Variants in BRAF observed in about 807,000 individuals in gnomAD.
BRAF encodes serine/threonine-protein kinase B-raf.
In BRAF, 16 loss-of-function variants were observed where a neutral mutation model predicts 104.6. That is an observed-to-expected ratio of 0.15 (90% CI 0.10 to 0.23). The LOEUF (loss-of-function observed/expected upper bound fraction) is 0.23, where lower values mean the gene tolerates loss of function less well. BRAF is among the 10% of genes least tolerant of loss of function. The pLI, the probability that BRAF is intolerant of heterozygous loss-of-function variation, is 1.00. For missense variants in BRAF, 541 were observed against 937.3 expected (o/e 0.58, Z 5.52); for synonymous variants, 310 against 341.6 (o/e 0.91, Z 1.02).
Position 140,723,086 on chromosome 7 carries a change from T to C in BRAF, c.*3408A>G. ...TTACCTCATTCTGAAGAGGTAGTTT[T>C]TTGTAGAGGTCACCTGAACCCTGCA... On this transcript the variant is annotated 3_prime_UTR_variant, in exon 20 of 20. Transcript: ENST00000644969. 1 of 1,051,210 alleles carries C rather than the reference T, an allele frequency of 9.5e-7. No homozygotes were observed. The allele number at this position is 1,051,210 out of a possible 1,614,324, so 65.1% of individuals were successfully genotyped here.
At chr7:140,855,635 TATA>T (rs1809692675) in intron 1 of BRAF, among the ~76,000 whole-genome samples, 1 of 151,542 alleles carries the variant, frequency 6.6e-6, no homozygotes, top group Non-Finnish European at 1.5e-5. Context: ...CAGGTGATTT[TATA>T]TATATATTCA....
intron 1 of BRAF, among the ~76,000 whole-genome samples, chr7:140,898,733 C>A (rs1815247543): frequency 6.6e-6 from 1 of 152,178 alleles, no homozygotes; most frequent in Non-Finnish European, 1.5e-5. Flanking sequence ...CACTATCACT[C>A]ACTTTTATCA....
At chr7:140,895,296 CAACT>C (rs1442358687) in intron 1 of BRAF, among the ~76,000 whole-genome samples, 1 of 151,956 alleles carries the variant, frequency 6.6e-6, no homozygotes, top group Non-Finnish European at 1.5e-5. Context: ...TAAAAATGCC[CAACT>C]GTCAGCAAAC....
At chr7:140,896,857 C>T (rs1488955558) in intron 1 of BRAF, among the ~76,000 whole-genome samples, 1 of 106,662 alleles carries the variant, frequency 9.4e-6, no homozygotes, top group East Asian at 2.7e-4. Context: ...GAGCGAGACT[C>T]CATCTCAAAA....
At chr7:140,919,349 G>T (rs186970106) in intron 1 of BRAF, among the ~76,000 whole-genome samples, 2 of 152,142 alleles carry the variant, frequency 1.3e-5, no homozygotes, top group East Asian at 3.9e-4. Context: ...AAAGTTAATT[G>T]AGTTCAAAGC....
intron 1 of BRAF, among the ~76,000 whole-genome samples, chr7:140,852,611 G>GCAAAA (rs1809306600): frequency 6.6e-6 from 1 of 151,980 alleles, no homozygotes; most frequent in Non-Finnish European, 1.5e-5. Flanking sequence ...AGTGTCAGAT[G>GCAAAA]GCTTCTTTTG....
chr7:140,724,132 GAA>G lies in BRAF; in HGVS notation c.*2360_*2361del. ...CAGCCTATTCTAAAATGCAAGGGAA[GAA>G]AAAGTGTATCACCCTGAATATTGTT... On this transcript the variant is annotated 3_prime_UTR_variant, in exon 20 of 20. Transcript: ENST00000644969. 1 of 1,053,496 alleles carries G rather than the reference GAA, an allele frequency of 9.5e-7. No individual in the cohort carries two copies. The highest frequency in any genetic ancestry group is 1.1e-6 in the Non-Finnish European group (1 of 871,846). 65.3% of individuals were successfully genotyped at this position (1,053,496 alleles called of 1,614,324 possible).
chr7:140,808,995 C>T lies in BRAF; in HGVS notation c.505G>A (p.Val169Ile), dbSNP rs774666543. The change falls in exon 4 of 20, where the codon GTA becomes ATA. Residue 169 changes from valine (V) to isoleucine (I), a missense_variant and splice_region_variant. Val to Ile is a conservative substitution (Grantham distance 29, BLOSUM62 3). Coordinates refer to ENST00000644969, the MANE Select transcript of BRAF (RefSeq NM_001374258.1). The stretch of plus-strand genomic sequence containing the variant: ...ACTGTAACTCCACACCTTGCAGGTA[C>T]CTATGGTATCATAAATATATTGATA... ...VFLPNKQRTV[V>I]PARCGVTVRD... is the part of the protein sequence containing the mutation. The T allele has an allele frequency of 1.2e-6, 2 of 1,606,698 alleles. No homozygotes were observed. The highest frequency in any genetic ancestry group is 1.7e-6 in the Non-Finnish European group (2 of 1,173,970).
chr7:140,815,783 A>G (rs1312541620), intron 3 of BRAF, among the ~76,000 whole-genome samples: 1 of 152,188 alleles, frequency 6.6e-6, no homozygotes, highest in East Asian at 1.9e-4. Context: ...TGATCTGCTT[A>G]TAACATGCTT....
intron 1 of BRAF, among the ~76,000 whole-genome samples, chr7:140,852,693 A>C (rs868086772): frequency 2.0e-5 from 3 of 152,144 alleles, no homozygotes; most frequent in African/African-American, 4.8e-5. Flanking sequence ...GAACTGATGA[A>C]GCCCAAAATT....
intron 19 of BRAF, chr7:140,726,619 T>C (rs1563224397): frequency 9.6e-6 from 10 of 1,043,084 alleles, no homozygotes; most frequent in Non-Finnish European, 1.4e-5. Flanking sequence ...ACTAGTTATA[T>C]ATTTCAAGTC....
intron 17 of BRAF, among the ~76,000 whole-genome samples, chr7:140,748,682 A>T (rs920447715): frequency 6.6e-6 from 1 of 152,116 alleles, no homozygotes; most frequent in Non-Finnish European, 1.5e-5. Flanking sequence ...AGTCTAAGCG[A>T]GCCTACTGAG....
In BRAF at chr7:140,798,125, A is replaced by G. The variant is rs372901221; in HGVS notation, c.980+2237T>C. ...TACTGAAAATGTCAACTGATTTTGA[A>G]AAGATTTCTCTAGGTAGAAATCTGA... On this transcript the variant is annotated intron_variant, in intron 7 of 19. Coordinates refer to ENST00000644969, the MANE Select transcript of BRAF (RefSeq NM_001374258.1). Among the ~76,000 whole-genome samples the G allele has an allele frequency of 1.1e-3, 167 of 152,326 alleles. 1 individual carries two copies. The highest frequency in any genetic ancestry group is 3.9e-3 in the African/African-American group (162 of 41,572).
At chr7:140,754,990 T>C (rs1313638192) in intron 14 of BRAF, among the ~76,000 whole-genome samples, 3 of 152,182 alleles carry the variant, frequency 2.0e-5, no homozygotes, top group Non-Finnish European at 4.4e-5. Context: ...TTTAGCTACA[T>C]TCATTGAAGT....
At chr7:140,896,320 A>AT (rs1814892734) in intron 1 of BRAF, among the ~76,000 whole-genome samples, 1 of 151,990 alleles carries the variant, frequency 6.6e-6, no homozygotes, top group Non-Finnish European at 1.5e-5. Context: ...AAAAAAATAT[A>AT]TTTTTTTCTA....
At chr7:140,799,866 C>G (rs1802902675) in intron 7 of BRAF, 2 of 292,110 alleles carry the variant, frequency 6.8e-6, no homozygotes, top group Admixed American at 9.3e-5. Context: ...TACTTCTATA[C>G]CTAATAAAAG....
intron 18 of BRAF, among the ~76,000 whole-genome samples, chr7:140,739,604 T>C (rs1796740138): frequency 6.6e-6 from 1 of 151,836 alleles, no homozygotes; most frequent in African/African-American, 2.4e-5. Flanking sequence ...AAATGCAAAG[T>C]CTTTCTGAAT....
At position 140,722,188 on chromosome 7, in the gene BRAF, T is replaced by C. The variant is rs1162551491; in HGVS notation, c.*4306A>G. On this transcript the variant is annotated 3_prime_UTR_variant, in exon 20 of 20. Transcript: ENST00000644969. ...CAACCTAGTTGCTCTATGTGATAAATATATCTGACTATACTAGGGATTATG... is the reference window on the plus strand; with the variant it reads ...CAACCTAGTTGCTCTATGTGATAAACATATCTGACTATACTAGGGATTATG... 2 of 1,058,170 alleles carry C rather than the reference T, an allele frequency of 1.9e-6. No homozygotes were observed. Among genetic ancestry groups the C allele is most frequent in the African/African-American group, 1.6e-5 (1 of 60,746 alleles). The allele number at this position is 1,058,170 out of a possible 1,614,324, so 65.5% of individuals were successfully genotyped here.
intron 3 of BRAF, among the ~76,000 whole-genome samples, chr7:140,825,255 T>A (rs1382020964): frequency 5.3e-5 from 8 of 152,100 alleles, no homozygotes; most frequent in African/African-American, 1.4e-4. Flanking sequence ...GGCATGAGCC[T>A]CCGCACCCAG....
Sources: allele counts gnomAD v4.1 joint callset (sites outside exome capture counted in the v4.1 genomes callset), GRCh38; gene constraint gnomAD v4.1.1; transcripts MANE v1.5; gene names NCBI Gene and HGNC (gene_info 2026-07-23, HGNC 2026-07-21).